The following ZNF821 variants were observed in gnomAD, a reference collection of about 807,000 sequenced individuals.
The protein encoded by ZNF821 is zinc finger protein 821.
Under a neutral mutation model 44.3 loss-of-function variants are expected in ZNF821, and 16 were observed. That is an observed-to-expected ratio of 0.36 (90% confidence interval 0.24 to 0.55). The LOEUF (loss-of-function observed/expected upper bound fraction) is 0.55. ZNF821 is among the 20% of genes least tolerant of loss of function. The pLI is 0.86. For missense variants in ZNF821, 436 were observed against 547.6 expected, an observed-to-expected ratio of 0.80 and a Z score of 2.03; for synonymous variants, 204 against 197.6, an observed-to-expected ratio of 1.03 and a Z score of -0.27.
intron 3 of ZNF821, among the ~76,000 whole-genome samples, chr16:71,873,297 G>A (rs2035422065): frequency 6.6e-6 from 1 of 152,062 alleles, no homozygotes; most frequent in South Asian, 2.1e-4. Context: ...ACTCTAGCCT[G>A]GGCGACTGAG....
At chr16:71,864,799 G>C (rs946831813) in intron 5 of ZNF821, 104 bp downstream of exon 5, 1 of 1,464,934 alleles carries the variant, frequency 6.8e-7, no homozygotes, top group African/African-American at 1.4e-5. Flanking sequence ...TGCAGGCCCA[G>C]GAGACCATCA....
rs555676812 is a variant in ZNF821 at position 71,862,603 on chromosome 16, G to A, written c.418-661C>T. Among the ~76,000 whole-genome samples the A allele has an allele frequency of 2.8e-4, 42 of 152,304 alleles. 1 individual carries two copies. In the South Asian group the frequency reaches 5.2e-3, roughly 19 times the overall value. ...CTCACACTGTGCAGGTACAAATTAC[G>A]TGTTAAGGGAACAATAAAGGCCAAA... On this transcript the variant is annotated intron_variant, in intron 6 of 7. Coordinates refer to ENST00000425432, the MANE Select transcript of ZNF821 (RefSeq NM_001201552.2).
chr16:71,891,947 G>C (rs1246476707), intron 1 of ZNF821, among the ~76,000 whole-genome samples: 2 of 129,446 alleles, frequency 1.5e-5, no homozygotes, highest in Non-Finnish European at 3.1e-5. Flanking sequence ...AGTGAGCTGA[G>C]ATTGAGCCAC....
chr16:71,891,850 A>C (rs1184784113), intron 1 of ZNF821, among the ~76,000 whole-genome samples: 1 of 151,942 alleles, frequency 6.6e-6, no homozygotes, highest in Non-Finnish European at 1.5e-5. Context: ...TTTACTAAAA[A>C]TAGCCAGGCG....
chr16:71,894,714 T>TTTG (rs1426862213), intron 1 of ZNF821: 1 of 580,544 alleles, frequency 1.7e-6, no homozygotes, highest in African/African-American at 1.9e-5. Flanking sequence ...TTTTTTTTTT[T>TTTG]TTGTAGCGAT....
At position 71,859,781 on chromosome 16, in the gene ZNF821, G is replaced by A; in HGVS notation, c.*237C>T. On this transcript the variant is annotated 3_prime_UTR_variant, in exon 8 of 8. Transcript: ENST00000425432. ...CAGCCTGTGGCAGTGGGCTGGGGAGGCCAGTTCTCTGGACTGCCTGCTCCC... is the reference window on the plus strand; with the variant it reads ...CAGCCTGTGGCAGTGGGCTGGGGAGACCAGTTCTCTGGACTGCCTGCTCCC... The A allele has an allele frequency of 1.8e-6, 1 of 542,452 alleles. No homozygotes were observed. The highest frequency in any genetic ancestry group is 2.9e-5 in the South Asian group (1 of 34,494). 33.6% of individuals were successfully genotyped at this position (542,452 alleles called of 1,614,324 possible). A position where few individuals can be genotyped will look rare whatever the true frequency, so the allele number is the denominator to read the frequency against.
At chr16:71,888,106 G>A (rs1387088887), upstream of ZNF821, among the ~76,000 whole-genome samples, 1 of 151,832 alleles carries the variant, frequency 6.6e-6, no homozygotes, top group Non-Finnish European at 1.5e-5. Flanking sequence ...GGAACACCTA[G>A]GCTCAAGCAA....
chr16:71,893,477 T>G lies in ZNF821; in HGVS notation n.448+1412A>C, dbSNP rs566707929. 6.7e-4 allele frequency among the ~76,000 whole-genome samples: 102 copies of G among 151,464 alleles called. 1 individual carries two copies. The South Asian group carries it at 9.2e-3, about 14-fold the overall frequency. On this transcript the variant is annotated intron_variant and non_coding_transcript_variant, in intron 1 of 2. Transcript: ENST00000561700. ...ACGCCTGGCCCACTTTTTTTTTTTTTGGGACAGGGTCTCACTCTGCTGCCC... is the reference window on the plus strand; with the variant it reads ...ACGCCTGGCCCACTTTTTTTTTTTTGGGGACAGGGTCTCACTCTGCTGCCC...
rs1258501610 is a variant in ZNF821 at position 71,861,904 on chromosome 16, A to G, written c.456T>C (p.Cys152=). The change falls in exon 7 of 8, where the codon TGT becomes TGC. Residue 152 remains cysteine (C), a synonymous_variant. Transcript: ENST00000425432. The part of the protein sequence containing the change: ...AAVVSAKSYM[C]PVCGRALSSP... ...AGCTAAGGGCCCGGCCACAGACAGG[A>G]CACATGTAGCTCTTGGCGCTCACCA... 1 of 1,614,082 alleles carries G rather than the reference A, an allele frequency of 6.2e-7. No individual in the cohort carries two copies. The highest frequency in any genetic ancestry group is 8.5e-7 in the Non-Finnish European group (1 of 1,180,044).
intron 3 of ZNF821, among the ~76,000 whole-genome samples, chr16:71,874,640 GA>G (rs376933357): frequency 6.6e-6 from 1 of 151,942 alleles, no homozygotes; most frequent in African/African-American, 2.4e-5. Context: ...TTTTAGTGGA[GA>G]CAGGGTTTTG....
At chr16:71,887,587 G>A (rs1455394534), upstream of ZNF821, among the ~76,000 whole-genome samples, 1 of 152,128 alleles carries the variant, frequency 6.6e-6, no homozygotes, top group Non-Finnish European at 1.5e-5. Context: ...TTGAGGAAGT[G>A]CTAAACTGTT....
At position 71,880,011 on chromosome 16, in the gene ZNF821, G is replaced by C; in HGVS notation, c.-65C>G. ...CGACTGGATATGTTACTACCTCCTT[G>C]CAAGATGCTAACCTGCAATAAAAAA... On this transcript the variant is annotated 5_prime_UTR_variant, in exon 3 of 8. Transcript: ENST00000425432. 6.7e-7 allele frequency: 1 copy of C among 1,485,174 alleles called. No individual in the cohort carries two copies. The highest frequency in any genetic ancestry group is 1.4e-5 in the African/African-American group (1 of 71,796). The allele number at this position is 1,485,174 out of a possible 1,614,324, so 92.0% of individuals were successfully genotyped here.
At position 71,870,247 on chromosome 16, in the gene ZNF821, G is replaced by T. The variant is rs115779174; in HGVS notation, c.41-2210C>A. Among the ~76,000 whole-genome samples the T allele has an allele frequency of 2.0e-3, 303 of 152,050 alleles. 1 individual carries two copies. Among genetic ancestry groups the T allele is most frequent in the African/African-American group, 6.8e-3 (281 of 41,460 alleles). Reference sequence around the variant, plus strand: ...CATACTGTGATTGGGAATGGAGGTGGTTCATGTTAAAGTCTACTCTTAGCT... The same window carrying T: ...CATACTGTGATTGGGAATGGAGGTGTTTCATGTTAAAGTCTACTCTTAGCT... On this transcript the variant is annotated intron_variant, in intron 3 of 7. Transcript: ENST00000425432.
chr16:71,865,199 A>G (rs1007427186), intron 4 of ZNF821, 151 bp from the exon 5 acceptor site: 5 of 1,016,150 alleles, frequency 4.9e-6, no homozygotes, highest in Non-Finnish European at 7.2e-6. Flanking sequence ...TATTATGTCA[A>G]GTGGAAACCA....
chr16:71,877,088 G>A (rs955528707), intron 3 of ZNF821, among the ~76,000 whole-genome samples: 4 of 151,958 alleles, frequency 2.6e-5, no homozygotes, highest in African/African-American at 9.7e-5. Context: ...ACACTTTTCC[G>A]GGACTTAAAT....
rs1290146176 is a variant in ZNF821 at position 71,894,843 on chromosome 16, C to G, written n.448+46G>C. The G allele has an allele frequency of 9.8e-6, 15 of 1,533,518 alleles. No homozygotes were observed. In the African/African-American group the frequency reaches 1.5e-4, roughly 15 times the overall value. The allele number at this position is 1,533,518 out of a possible 1,614,324, so 95.0% of individuals were successfully genotyped here. On this transcript the variant is annotated intron_variant and non_coding_transcript_variant, in intron 1 of 2. Transcript: ENST00000561700. ...AGGCTTAAGCAGCGATAATGGTTTT[C>G]AAGTTAAAAACAAAGGTAACCAAGG...
exon 1 of ZNF821, chr16:71,895,046 T>TGG: frequency 6.1e-6 from 3 of 491,392 alleles, no homozygotes; most frequent in Non-Finnish European, 7.3e-6. Flanking sequence ...ACGGAGGCGC[T>TGG]GGGTGAAGAG....
chr16:71,873,255 G>T (rs1030840584), intron 3 of ZNF821, among the ~76,000 whole-genome samples: 3 of 152,028 alleles, frequency 2.0e-5, no homozygotes, highest in Non-Finnish European at 2.9e-5. Context: ...CTGGGAGGCG[G>T]AGGTTGCAGT....
At position 71,864,119 on chromosome 16, in the gene ZNF821, A is replaced by G. The variant is rs2034252260; in HGVS notation, c.417+19T>C. 6.2e-7 allele frequency: 1 copy of G among 1,609,704 alleles called. No individual in the cohort carries two copies. The highest frequency in any genetic ancestry group is 8.5e-7 in the Non-Finnish European group (1 of 1,176,424). Reference sequence around the variant, plus strand: ...TGCCCACACTTGTGTTCCAGAGCACACAGCTCCCCCATCCATACCTGGTAC... The same window carrying G: ...TGCCCACACTTGTGTTCCAGAGCACGCAGCTCCCCCATCCATACCTGGTAC... On this transcript the variant is annotated intron_variant, in intron 6 of 7. Transcript: ENST00000425432.
Sources: gnomAD v4.1 joint callset for allele counts (sites outside exome capture counted in the v4.1 genomes callset) on GRCh38, gnomAD v4.1.1 for gene constraint, MANE v1.5 for transcripts, NCBI Gene and HGNC (gene_info 2026-07-23, HGNC 2026-07-21) for gene names.